Variants in PCDH15 observed in about 807,000 individuals in gnomAD.
PCDH15 encodes the protein protocadherin related 15, also known as protocadherin-15.
PCDH15 carries 129 observed loss-of-function variants against 178.5 expected under a neutral mutation model. The observed-to-expected ratio is 0.72, with a 90% CI of 0.63 to 0.84. The LOEUF is 0.84. Among genes scored for constraint, PCDH15 ranks in the 40% least tolerant of loss-of-function variants. PCDH15 has a pLI of 0.00. For missense variants in PCDH15, 2,230 were observed against 2,099.9 expected, an observed-to-expected ratio of 1.06 and a Z score of -1.21; for synonymous variants, 800 against 732.0, an observed-to-expected ratio of 1.09 and a Z score of -1.50.
At chr10:55,237,407 A>C (rs910928928) in intron 1 of PCDH15, among the ~76,000 whole-genome samples, 6 of 152,106 alleles carry the variant, frequency 3.9e-5, no homozygotes, top group African/African-American at 1.4e-4. Flanking sequence ...TTAACTCATA[A>C]AGAATACAAG....
chr10:54,884,604 G>A (rs1469187022), intron 3 of PCDH15, among the ~76,000 whole-genome samples: 9 of 151,762 alleles, frequency 5.9e-5, no homozygotes, highest in African/African-American at 2.2e-4. Flanking sequence ...TCTTTTCCAT[G>A]CTGCAAATCA....
At chr10:54,505,868 G>A (rs1316142960) in intron 3 of PCDH15, among the ~76,000 whole-genome samples, 3 of 152,116 alleles carry the variant, frequency 2.0e-5, no homozygotes, top group African/African-American at 4.8e-5. Context: ...GCTTGTGAAA[G>A]TTGATCTAAC....
chr10:55,399,690 A>T (rs1175955624), intron 2 of PCDH15, among the ~76,000 whole-genome samples: 1 of 152,160 alleles, frequency 6.6e-6, no homozygotes. Context: ...AAGGTCTGAT[A>T]TATGAGAGGG....
At chr10:54,412,425 A>G (rs564792069) in intron 3 of PCDH15, among the ~76,000 whole-genome samples, 7 of 152,236 alleles carry the variant, frequency 4.6e-5, no homozygotes, top group Admixed American at 1.3e-4. Context: ...TAAAATGCCT[A>G]AAGATTAATA....
At chr10:55,335,426 A>G (rs1268796327) in intron 2 of PCDH15, among the ~76,000 whole-genome samples, 1 of 152,222 alleles carries the variant, frequency 6.6e-6, no homozygotes, top group Non-Finnish European at 1.5e-5. Context: ...TTAGGAGATT[A>G]GGGAATGAAA....
intron 2 of PCDH15, among the ~76,000 whole-genome samples, chr10:54,989,062 G>A (rs912463530): frequency 2.6e-5 from 4 of 152,186 alleles, no homozygotes; most frequent in African/African-American, 9.7e-5. Flanking sequence ...CATAGAGCTT[G>A]GGCTGTGCCT....
chr10:53,856,667 A>T (rs912273445), intron 28 of PCDH15, among the ~76,000 whole-genome samples: 2 of 152,144 alleles, frequency 1.3e-5, no homozygotes, highest in East Asian at 3.8e-4. Flanking sequence ...ACATCAAAGC[A>T]TTCTGAATAA....
At chr10:54,905,809 G>A (rs1275531331) in intron 2 of PCDH15, among the ~76,000 whole-genome samples, 1 of 152,124 alleles carries the variant, frequency 6.6e-6, no homozygotes, top group Admixed American at 6.5e-5. Flanking sequence ...AGTTGCAGAT[G>A]TGTCATGAAT....
At chr10:55,547,948 AGAGAC>A (rs1841925534) in intron 2 of PCDH15, among the ~76,000 whole-genome samples, 2 of 149,864 alleles carry the variant, frequency 1.3e-5, no homozygotes, top group African/African-American at 4.9e-5. Context: ...AGAGAGAGAG[AGAGAC>A]AGGGACAGAG....
At chr10:55,202,316 G>A (rs1840275567) in intron 1 of PCDH15, among the ~76,000 whole-genome samples, 1 of 152,048 alleles carries the variant, frequency 6.6e-6, no homozygotes, top group Non-Finnish European at 1.5e-5. Flanking sequence ...GGTAGAGACA[G>A]CAAATAAAAG....
intron 3 of PCDH15, among the ~76,000 whole-genome samples, chr10:54,490,985 C>T (rs1350288314): frequency 6.6e-6 from 1 of 152,120 alleles, no homozygotes; most frequent in Non-Finnish European, 1.5e-5. Flanking sequence ...TTAGCCCACC[C>T]TGGCCAGGGA....
At chr10:55,332,450 G>A (rs1448267494) in intron 2 of PCDH15, among the ~76,000 whole-genome samples, 1 of 152,100 alleles carries the variant, frequency 6.6e-6, no homozygotes, top group Non-Finnish European at 1.5e-5. Flanking sequence ...AATAGAACTA[G>A]ATCAAATCCA....
At chr10:54,812,753 A>C (rs962449074) in intron 3 of PCDH15, among the ~76,000 whole-genome samples, 2 of 152,054 alleles carry the variant, frequency 1.3e-5, no homozygotes, top group Admixed American at 6.6e-5. Flanking sequence ...CACCACACCC[A>C]GCCTTTTTAA....
chr10:53,977,996 G>A (rs540569625), intron 21 of PCDH15, among the ~76,000 whole-genome samples: 3 of 152,292 alleles, frequency 2.0e-5, no homozygotes, highest in East Asian at 1.9e-4. Flanking sequence ...GCTTTGCAGT[G>A]TATAGCCCCC....
chr10:53,921,733 A>G (rs991119612), intron 25 of PCDH15, among the ~76,000 whole-genome samples: 5 of 151,950 alleles, frequency 3.3e-5, no homozygotes, highest in East Asian at 1.9e-4. Flanking sequence ...ACCCTATTCA[A>G]TTTCTCTCTT....
At chr10:54,126,724 T>C (rs761137246) in intron 15 of PCDH15, among the ~76,000 whole-genome samples, 1 of 152,080 alleles carries the variant, frequency 6.6e-6, no homozygotes, top group South Asian at 2.1e-4. Flanking sequence ...TATTTTTGAA[T>C]GATTATCAAT....
chr10:55,311,398 A>G (rs1165892029), intron 1 of PCDH15, among the ~76,000 whole-genome samples: 2 of 152,178 alleles, frequency 1.3e-5, no homozygotes, highest in Admixed American at 6.5e-5. Context: ...CATAGCGGTG[A>G]CTGTGGAACC....
In PCDH15 at chr10:53,865,509, G is replaced by C. The variant is rs1164198394; in HGVS notation, c.3717+1133C>G. Among the ~76,000 whole-genome samples the C allele has an allele frequency of 3.3e-5, 5 of 152,146 alleles. 1 individual carries two copies. The South Asian group carries it at 6.2e-4, about 19-fold the overall frequency. ...GTAATGGCAAGGTAAGCCAAGAACA[G>C]AAAGTTAAACACCACATGTTCTTAT... is the stretch of plus-strand genomic sequence containing the variant. On this transcript the variant is annotated intron_variant, in intron 27 of 37. Transcript: ENST00000644397.
At chr10:55,081,581 G>T (rs1027705134) in intron 2 of PCDH15, among the ~76,000 whole-genome samples, 1 of 152,082 alleles carries the variant, frequency 6.6e-6, no homozygotes, top group East Asian at 1.9e-4. Flanking sequence ...TCATGATGCC[G>T]GAGCCCTCAT....
Sources: allele counts gnomAD v4.1 joint callset (sites outside exome capture counted in the v4.1 genomes callset), GRCh38; gene constraint gnomAD v4.1.1; transcripts MANE v1.5; gene names NCBI Gene and HGNC (gene_info 2026-07-23, HGNC 2026-07-21).